ST6GALNAC3: variants seen among roughly 807,000 people sequenced by gnomAD.
ST6GALNAC3 encodes ST6 N-acetylgalactosaminide alpha-2,6-sialyltransferase 3.
ST6GALNAC3 carries 25 observed loss-of-function variants against 32.7 expected under a neutral mutation model. That is an observed-to-expected ratio of 0.76 (90% CI 0.56 to 1.07). The LOEUF is 1.07. Among genes scored for constraint, ST6GALNAC3 ranks in the 50% least tolerant of loss-of-function variants. The pLI, the probability that ST6GALNAC3 is intolerant of heterozygous loss-of-function variation, is 0.00. For missense variants in ST6GALNAC3, 355 were observed against 382.4 expected, an observed-to-expected ratio of 0.93 and a Z score of 0.60; for synonymous variants, 129 against 133.1, an observed-to-expected ratio of 0.97 and a Z score of 0.21.
chr1:76,224,457 A>C (rs1557708621), intron 1 of ST6GALNAC3, among the ~76,000 whole-genome samples: 1 of 152,216 alleles, frequency 6.6e-6, no homozygotes, highest in Non-Finnish European at 1.5e-5. Flanking sequence ...ATAAACTTAG[A>C]GAGTTAGTGC....
At chr1:76,183,930 A>G (rs908484803) in intron 1 of ST6GALNAC3, among the ~76,000 whole-genome samples, 6 of 148,510 alleles carry the variant, frequency 4.0e-5, no homozygotes, top group East Asian at 2.0e-4. Flanking sequence ...ATTATTATAT[A>G]TATACATATA....
At chr1:76,101,426 G>C (rs1033273669) in intron 1 of ST6GALNAC3, among the ~76,000 whole-genome samples, 2 of 152,062 alleles carry the variant, frequency 1.3e-5, no homozygotes, top group African/African-American at 4.8e-5. Context: ...GGCCAGCTTG[G>C]TTGCTCCAAG....
At chr1:76,131,875 C>A (rs565922780) in intron 1 of ST6GALNAC3, among the ~76,000 whole-genome samples, 1 of 152,116 alleles carries the variant, frequency 6.6e-6, no homozygotes, top group East Asian at 1.9e-4. Flanking sequence ...TGCAGGTGAC[C>A]CTGGTTTTCA....
intron 2 of ST6GALNAC3, among the ~76,000 whole-genome samples, chr1:76,331,145 A>G (rs1035359187): frequency 6.6e-6 from 1 of 152,172 alleles, no homozygotes; most frequent in Admixed American, 6.5e-5. Context: ...GAGATGGCCA[A>G]TGAATGTTTA....
At chr1:76,136,820 T>G (rs1359140997) in intron 1 of ST6GALNAC3, among the ~76,000 whole-genome samples, 1 of 152,204 alleles carries the variant, frequency 6.6e-6, no homozygotes, top group East Asian at 1.9e-4. Flanking sequence ...TATCACTAAC[T>G]TGGTGAGAAT....
chr1:76,440,962 C>T (rs1656538259), intron 3 of ST6GALNAC3, among the ~76,000 whole-genome samples: 1 of 151,868 alleles, frequency 6.6e-6, no homozygotes, highest in Non-Finnish European at 1.5e-5. Flanking sequence ...GTGGGGTGTG[C>T]CTGTAGTCCC....
chr1:76,418,447 G>C (rs955018924), intron 3 of ST6GALNAC3, among the ~76,000 whole-genome samples: 2 of 151,930 alleles, frequency 1.3e-5, no homozygotes, highest in African/African-American at 4.8e-5. Flanking sequence ...GTCGCCATGG[G>C]GTACAGAAAT....
chr1:76,514,275 G>A (rs973451522), intron 3 of ST6GALNAC3, among the ~76,000 whole-genome samples: 4 of 152,076 alleles, frequency 2.6e-5, no homozygotes, highest in Non-Finnish European at 4.4e-5. Context: ...TTTTTATCAC[G>A]AAGGGTGTTG....
chr1:76,185,787 A>T (rs1440776610), intron 1 of ST6GALNAC3, among the ~76,000 whole-genome samples: 4 of 152,196 alleles, frequency 2.6e-5, no homozygotes, highest in Non-Finnish European at 4.4e-5. Context: ...GCATCCATGG[A>T]TTCAACTAAC....
At chr1:76,182,164 T>C (rs1371812161) in intron 1 of ST6GALNAC3, among the ~76,000 whole-genome samples, 1 of 152,218 alleles carries the variant, frequency 6.6e-6, no homozygotes. Context: ...GCTATACTTA[T>C]CATTTACATT....
chr1:76,575,064 CT>C (rs1284929060), intron 3 of ST6GALNAC3, among the ~76,000 whole-genome samples: 1 of 152,088 alleles, frequency 6.6e-6, no homozygotes, highest in African/African-American at 2.4e-5. Flanking sequence ...ATTTTTATAG[CT>C]GAGAAGAGAC....
At chr1:76,310,425 T>C (rs1265852668) in intron 1 of ST6GALNAC3, among the ~76,000 whole-genome samples, 1 of 152,102 alleles carries the variant, frequency 6.6e-6, no homozygotes, top group Non-Finnish European at 1.5e-5. Flanking sequence ...ATAAGGGGTG[T>C]TGAGGAGGCA....
chr1:76,578,846 G>A (rs1252061135), intron 3 of ST6GALNAC3, among the ~76,000 whole-genome samples: 2 of 151,898 alleles, frequency 1.3e-5, no homozygotes, highest in African/African-American at 2.4e-5. Context: ...TCTCCAACAA[G>A]GCTAAAAACA....
rs997059099 is a variant in ST6GALNAC3, at chr1:76,537,620, T to C, written c.624-89832T>C. 2.6e-5 allele frequency among the ~76,000 whole-genome samples: 4 copies of C among 152,148 alleles called. No homozygotes were observed. The East Asian group carries it at 5.8e-4, about 22-fold the overall frequency. On this transcript the variant is annotated intron_variant, in intron 3 of 4. Transcript: ENST00000328299. ...GAATCAAATAAATAATGATACAATA[T>C]TGTGTACCATCATTTTACATTTCCA...
chr1:76,230,866 C>T (rs892992217), intron 1 of ST6GALNAC3, among the ~76,000 whole-genome samples: 1 of 152,150 alleles, frequency 6.6e-6, no homozygotes, highest in Non-Finnish European at 1.5e-5. Context: ...GTCCTTAGTG[C>T]TTTACTTCTG....
chr1:76,313,381 A>G (rs1646804411), intron 1 of ST6GALNAC3, among the ~76,000 whole-genome samples: 1 of 152,156 alleles, frequency 6.6e-6, no homozygotes, highest in South Asian at 2.1e-4. Flanking sequence ...AAGTACAACA[A>G]TAGAAGTGTC....
intron 2 of ST6GALNAC3, among the ~76,000 whole-genome samples, chr1:76,381,855 G>C (rs12089135): frequency 6.6e-6 from 1 of 151,958 alleles, no homozygotes; most frequent in Non-Finnish European, 1.5e-5. Context: ...AATTCTGCAC[G>C]TGACTTTCCC....
chr1:76,419,944 C>CTTTTTTT (rs66531652), intron 3 of ST6GALNAC3, among the ~76,000 whole-genome samples: 5 of 138,794 alleles, frequency 3.6e-5, no homozygotes, highest in African/African-American at 8.0e-5. Context: ...TTCTTTCTTT[C>CTTTTTTT]TTTTTTTTTT....
chr1:76,366,159 G>T (rs1435611220), intron 2 of ST6GALNAC3, among the ~76,000 whole-genome samples: 4 of 151,914 alleles, frequency 2.6e-5, no homozygotes, highest in Non-Finnish European at 5.9e-5. Context: ...GTTTCTTTAT[G>T]AATCAGTCTG....
Sources: gnomAD v4.1 joint callset for allele counts (sites outside exome capture counted in the v4.1 genomes callset) on GRCh38, gnomAD v4.1.1 for gene constraint, MANE v1.5 for transcripts, NCBI Gene and HGNC (gene_info 2026-07-23, HGNC 2026-07-21) for gene names.